Variants in FER1L5 observed in about 807,000 individuals in gnomAD.
The protein encoded by FER1L5 is fer-1-like protein 5.
Under a neutral mutation model 279.9 loss-of-function variants are expected in FER1L5, and 187 were observed. The observed-to-expected ratio is 0.67, with a 90% CI of 0.59 to 0.75. FER1L5 has a LOEUF of 0.75. Among genes scored for constraint, FER1L5 ranks in the 30% least tolerant of loss-of-function variants. FER1L5 has a pLI of 0.00. For missense variants in FER1L5, 2,091 were observed against 2,594.4 expected, an observed-to-expected ratio of 0.81 and a Z score of 4.21; for synonymous variants, 921 against 989.7, an observed-to-expected ratio of 0.93 and a Z score of 1.30.
At position 96,689,119 on chromosome 2, in the gene FER1L5, C is replaced by T; in HGVS notation, c.2362-94C>T. On this transcript the variant is annotated intron_variant, in intron 24 of 52. Coordinates refer to ENST00000624922, the MANE Select transcript of FER1L5 (RefSeq NM_001293083.2). This position sits in a 1 kb window ranked among gnomAD's most constrained non-coding sequence, Gnocchi z 4.6. Reference sequence around the variant, plus strand: ...CTGGCTACCACATTTTTAGGATGCCCCTGCAGCCCAGAGTCAGGGGGCCCA... The same window carrying T: ...CTGGCTACCACATTTTTAGGATGCCTCTGCAGCCCAGAGTCAGGGGGCCCA... The T allele has an allele frequency of 7.1e-7, 1 of 1,413,242 alleles. No homozygotes were observed. Among genetic ancestry groups the T allele is most frequent in the Non-Finnish European group, 9.4e-7 (1 of 1,062,688 alleles). The allele number at this position is 1,413,242 out of a possible 1,614,324, so 87.5% of individuals were successfully genotyped here. A position where few individuals can be genotyped will look rare whatever the true frequency, so the allele number is the denominator to read the frequency against.
At position 96,685,345 on chromosome 2, in the gene FER1L5, C is replaced by T; in HGVS notation, c.1811C>T (p.Thr604Ile). Residue 604 changes from threonine (T) to isoleucine (I), a missense_variant, in exon 21 of 53, where the codon ACC (threonine) becomes ATC (isoleucine). By Grantham distance (89) the Thr-to-Ile change is moderately conservative. Coordinates refer to ENST00000624922, the MANE Select transcript of FER1L5 (RefSeq NM_001293083.2). The part of the protein sequence containing the change: ...TRDRLKANLD[T>I]LKSTRNPKDP... The stretch of plus-strand genomic sequence containing the variant: ...GCTGGGCAGAAAGCCAACCTGGACA[C>T]CCTGAAATCCACGCGGAATCCGAAG... The T allele has an allele frequency of 1.3e-6, 2 of 1,551,350 alleles. No homozygotes were observed. The highest frequency in any genetic ancestry group is 1.2e-5 in the South Asian group (1 of 84,028).
rs774206492 is a variant in FER1L5, at chr2:96,703,233, G to A, written c.5578G>A (p.Asp1860Asn). ...KQCSIRMMDA[D>N]PKWPYFIQYK... ...GTGCTCCATCAGGATGATGGACGCC[G>A]ACCCCAAGTGGCCCTATTTCATCCA... Residue 1860 changes from aspartate (D) to asparagine (N), a missense_variant, in exon 50 of 53, where the codon GAC (aspartate) becomes AAC (asparagine). Physicochemically the swap from Asp to Asn is conservative, Grantham distance 23. Coordinates refer to ENST00000624922, the MANE Select transcript of FER1L5 (RefSeq NM_001293083.2). 23 of 1,613,750 alleles carry A rather than the reference G, an allele frequency of 1.4e-5. No homozygotes were observed. Among genetic ancestry groups the A allele is most frequent in the Admixed American group, 8.3e-5 (5 of 59,996 alleles).
Position 96,659,355 on chromosome 2 carries a change from TTCC to T in FER1L5, c.748-984_748-982del, listed in dbSNP as rs2075776389. Among the ~76,000 whole-genome samples, 3 of 73,590 alleles carry T rather than the reference TTCC, an allele frequency of 4.1e-5. 1 individual carries two copies. Among genetic ancestry groups the T allele is most frequent in the Admixed American group, 2.0e-4 (1 of 4,974 alleles). The allele number at this position is 73,590 out of a possible 152,430, so 48.3% of individuals were successfully genotyped here. On this transcript the variant is annotated intron_variant, in intron 9 of 52. Coordinates refer to ENST00000624922, the MANE Select transcript of FER1L5 (RefSeq NM_001293083.2). ...CTTCCTTCCTTCCTTCCTTCCTTCC[TTCC>T]TTCCTTCTTTCTTTCTTTCTTTCTT... is the stretch of plus-strand genomic sequence containing the variant.
rs2077667783 is a variant in FER1L5 at position 96,703,529 on chromosome 2, G to A, written c.5698G>A (p.Val1900Met). Residue 1900 changes from valine (V) to methionine (M), a missense_variant, in exon 51 of 53, where the codon GTG becomes ATG. By Grantham distance (21) the Val-to-Met change is conservative. Coordinates refer to ENST00000624922, the MANE Select transcript of FER1L5 (RefSeq NM_001293083.2). ...DGGKWRLSGKVKMSLEILSEK... is the reference protein window; with the variant it reads ...DGGKWRLSGKMKMSLEILSEK... The stretch of plus-strand genomic sequence containing the variant: ...TCACCCATGGTGTTCCTAGGGCAAG[G>A]TGAAGATGAGCCTGGAGATTCTGTC... The A allele has an allele frequency of 6.2e-7, 1 of 1,613,984 alleles. No individual in the cohort carries two copies. Among genetic ancestry groups the A allele is most frequent in the Admixed American group, 1.7e-5 (1 of 60,018 alleles).
At chr2:96,672,703 C>T (rs1245130218) in intron 18 of FER1L5, among the ~76,000 whole-genome samples, 1 of 151,896 alleles carries the variant, frequency 6.6e-6, no homozygotes. Flanking sequence ...CTCAGCCCTA[C>T]ACCCCTATCC....
Position 96,703,317 on chromosome 2 carries a change from GTCC to G in FER1L5, c.5665_5667del (p.Leu1889del). ...TGTGACTGGCTGGTGGCCTTGCCAGGTCCTCGATGGTGGCAAATGGCGCTTGTC... is the reference window on the plus strand; with the variant it reads ...TGTGACTGGCTGGTGGCCTTGCCAGGTCGATGGTGGCAAATGGCGCTTGTC... On this transcript the variant is annotated inframe_deletion, in exon 50 of 53. Transcript: ENST00000624922. The G allele has an allele frequency of 2.5e-6, 4 of 1,612,200 alleles. No individual in the cohort carries two copies. The highest frequency in any genetic ancestry group is 3.4e-6 in the Non-Finnish European group (4 of 1,179,120).
rs973418517 is a variant in FER1L5 at position 96,695,354 on chromosome 2, T to C, written c.3742-155T>C. The C allele has an allele frequency of 1.1e-5, 11 of 975,986 alleles. No homozygotes were observed. In the African/African-American group the frequency reaches 1.5e-4, roughly 13 times the overall value. The allele number at this position is 975,986 out of a possible 1,614,324, so 60.5% of individuals were successfully genotyped here. A position where few individuals can be genotyped will look rare whatever the true frequency, so the allele number is the denominator to read the frequency against. On this transcript the variant is annotated intron_variant, in intron 34 of 52. Transcript: ENST00000624922. ...CACAGGACGGGGAAGCCTGTCCTTG[T>C]GCGCCTTCAGACACTGGCTCCTCTG...
rs1277728278 is a variant in FER1L5, at chr2:96,702,654, G to A, written c.5310G>A (p.Ser1770=). 3.7e-6 allele frequency: 6 copies of A among 1,606,658 alleles called. No homozygotes were observed. The highest frequency in any genetic ancestry group is 2.7e-5 in the African/African-American group (2 of 74,800). The change falls in exon 48 of 53, where the codon TCG becomes TCA. Residue 1770 remains serine, a synonymous_variant. Transcript: ENST00000624922. This position sits in a 1 kb window ranked among gnomAD's most constrained non-coding sequence, Gnocchi z 4.0. ...DMQKTDIHYH[S]LTGEADFNWR... is the part of the protein sequence containing the mutation. ...AGAAGACAGACATCCACTACCACTCGCTGACTGGGGAGGCCGACTTCAACT... is the reference window on the plus strand; with the variant it reads ...AGAAGACAGACATCCACTACCACTCACTGACTGGGGAGGCCGACTTCAACT...
Position 96,684,317 on chromosome 2 carries a change from T to C in FER1L5, c.1670-10T>C, listed in dbSNP as rs1316676156. On this transcript the variant is annotated splice_polypyrimidine_tract_variant and intron_variant, in intron 19 of 52. Coordinates refer to ENST00000624922, the MANE Select transcript of FER1L5 (RefSeq NM_001293083.2). ...GACACCCCATCCCTCCATGTGTCTC[T>C]GTGTCTCAGGGAACATCTACCATTA... 6.4e-7 allele frequency: 1 copy of C among 1,550,900 alleles called. No homozygotes were observed. Among genetic ancestry groups the C allele is most frequent in the Admixed American group, 2.0e-5 (1 of 50,972 alleles).
chr2:96,678,902 C>G (rs2106623538), intron 19 of FER1L5, among the ~76,000 whole-genome samples: 1 of 152,284 alleles, frequency 6.6e-6, no homozygotes, highest in East Asian at 1.9e-4. Context: ...TGCAAATTGT[C>G]TGTGGCTTGT....
At chr2:96,693,859 A>G (rs943540801) in intron 32 of FER1L5, 52 bp from the exon 33 acceptor site, 77 of 1,505,190 alleles carry the variant, frequency 5.1e-5, no homozygotes, top group Non-Finnish European at 6.7e-5. Flanking sequence ...GCCCAGACAG[A>G]GCTGGGCCCT....
At chr2:96,682,672 C>A (rs1360509497) in intron 19 of FER1L5, among the ~76,000 whole-genome samples, 2 of 152,172 alleles carry the variant, frequency 1.3e-5, no homozygotes, top group Admixed American at 1.3e-4. Context: ...CAAGCAGGGA[C>A]CACTTTATTT....
chr2:96,661,865 T>A (rs879107422), intron 12 of FER1L5, 74 bp downstream of exon 12: 135 of 1,532,180 alleles, frequency 8.8e-5, no homozygotes, highest in Middle Eastern at 8.1e-4. Flanking sequence ...CCTCATGGAG[T>A]TTCCTCATTC....
intron 9 of FER1L5, among the ~76,000 whole-genome samples, chr2:96,659,376 T>C (rs1383618723): frequency 1.7e-3 from 19 of 11,502 alleles, no homozygotes; most frequent in East Asian, 0.014. Flanking sequence ...TTTCTTTCTT[T>C]CTTTCTTTCT....
In FER1L5 at chr2:96,702,315, G is replaced by GCGA; in HGVS notation, c.5170_5172dup (p.Arg1724dup). The GCGA allele has an allele frequency of 6.2e-7, 1 of 1,611,852 alleles. No individual in the cohort carries two copies. Among genetic ancestry groups the GCGA allele is most frequent in the Non-Finnish European group, 8.5e-7 (1 of 1,179,116 alleles). The stretch of plus-strand genomic sequence containing the variant: ...AGCACAGTGGCCACAGGTATGAGCT[G>GCGA]CGATGCATCATCTGGAAGACTGCCA... On this transcript the variant is annotated inframe_insertion, in exon 47 of 53. Coordinates refer to ENST00000624922, the MANE Select transcript of FER1L5 (RefSeq NM_001293083.2). This position sits in a 1 kb window ranked among gnomAD's most constrained non-coding sequence, Gnocchi z 4.0.
rs1313997986 is a variant in FER1L5 at position 96,690,492 on chromosome 2, A to T, written c.2646A>T (p.Gly882=). The T allele has an allele frequency of 1.3e-6, 2 of 1,551,498 alleles. No homozygotes were observed. Among genetic ancestry groups the T allele is most frequent in the Non-Finnish European group, 1.7e-6 (2 of 1,146,966 alleles). Residue 882 remains glycine (G), a synonymous_variant, in exon 27 of 53, where the codon GGA becomes GGT. Coordinates refer to ENST00000624922, the MANE Select transcript of FER1L5 (RefSeq NM_001293083.2). ...CCCTCTCTGTCCACCTGCAGAATGG[A>T]CAGCCCATGGAGGCCCGGGAGAACG... ...PAAIPNTDVN[G]QPMEARENVK... is the part of the protein sequence containing the mutation.
chr2:96,663,902 G>C (rs1178908390), intron 14 of FER1L5, among the ~76,000 whole-genome samples: 5 of 152,112 alleles, frequency 3.3e-5, no homozygotes, highest in Admixed American at 3.3e-4. Flanking sequence ...AATTAGTCGG[G>C]CGTGGTGACA....
chr2:96,647,175 G>C lies in FER1L5; in HGVS notation c.230+20G>C. On this transcript the variant is annotated intron_variant, in intron 3 of 52. Coordinates refer to ENST00000624922, the MANE Select transcript of FER1L5 (RefSeq NM_001293083.2). Reference sequence around the variant, plus strand: ...AGAAAGGTGAGGCAGAGAGAGGCAGGAGGAGCCTAGCTCCTGACCAACGCA... The same window carrying C: ...AGAAAGGTGAGGCAGAGAGAGGCAGCAGGAGCCTAGCTCCTGACCAACGCA... 6.4e-7 allele frequency: 1 copy of C among 1,550,814 alleles called. No homozygotes were observed. The highest frequency in any genetic ancestry group is 2.0e-5 in the Admixed American group (1 of 50,994).
At position 96,702,433 on chromosome 2, in the gene FER1L5, C is replaced by T. The variant is rs1246022110; in HGVS notation, c.5255+32C>T. On this transcript the variant is annotated intron_variant, in intron 47 of 52. Coordinates refer to ENST00000624922, the MANE Select transcript of FER1L5 (RefSeq NM_001293083.2). The surrounding 1 kb of genome is among the most constrained non-coding windows in gnomAD (Gnocchi z 4.0). ...AAGAGGAGTCAGGCTCCGGCAGAGCCCCTCAGTTCCCCAGTTCTGTCATCC... is the reference window on the plus strand; with the variant it reads ...AAGAGGAGTCAGGCTCCGGCAGAGCTCCTCAGTTCCCCAGTTCTGTCATCC... The T allele has an allele frequency of 1.9e-6, 3 of 1,585,260 alleles. No homozygotes were observed. The Admixed American group carries it at 5.5e-5, about 29-fold the overall frequency.
Sources: allele counts gnomAD v4.1 joint callset (sites outside exome capture counted in the v4.1 genomes callset), GRCh38; gene constraint gnomAD v4.1.1; non-coding constraint Gnocchi (gnomAD v3.1); transcripts MANE v1.5; gene names NCBI Gene and HGNC (gene_info 2026-07-23, HGNC 2026-07-21).